SRPK2: variants seen among roughly 807,000 people sequenced by gnomAD.
The protein encoded by SRPK2 is SRSF protein kinase 2.
In SRPK2, 21 loss-of-function variants were observed where a neutral mutation model predicts 90.8. That is an observed-to-expected ratio of 0.23 (90% CI 0.16 to 0.33). SRPK2 has a LOEUF of 0.33. Ranked by LOEUF, SRPK2 falls within the 10% of genes least tolerant of loss-of-function variation. SRPK2 has a pLI of 1.00. For missense variants in SRPK2, 620 were observed against 869.0 expected (o/e 0.71, Z 3.60); for synonymous variants, 288 against 311.1 (o/e 0.93, Z 0.78).
At chr7:105,267,763 C>A (rs923328160) in intron 2 of SRPK2, among the ~76,000 whole-genome samples, 3 of 152,084 alleles carry the variant, frequency 2.0e-5, no homozygotes, top group Admixed American at 2.0e-4. Context: ...GTAGGTTCTT[C>A]AACTCATTTT....
At position 105,353,129 on chromosome 7, in the gene SRPK2, A is replaced by T. The variant is rs139993083; in HGVS notation, c.71+35519T>A. Among the ~76,000 whole-genome samples the T allele has an allele frequency of 1.8e-4, 28 of 152,208 alleles. No individual in the cohort carries two copies. In the East Asian group the frequency reaches 4.6e-3, roughly 25 times the overall value. Reference sequence around the variant, plus strand: ...GGTTAGATTAAGTAATTGCTAAGGAACTCCCAACTCCAAAGTTCCATAAGG... The same window carrying T: ...GGTTAGATTAAGTAATTGCTAAGGATCTCCCAACTCCAAAGTTCCATAAGG... On this transcript the variant is annotated intron_variant, in intron 2 of 15. Coordinates refer to ENST00000393651, the MANE Select transcript of SRPK2 (RefSeq NM_182692.3).
At chr7:105,283,909 G>C (rs1807678376) in intron 2 of SRPK2, among the ~76,000 whole-genome samples, 1 of 151,976 alleles carries the variant, frequency 6.6e-6, no homozygotes, top group South Asian at 2.1e-4. Flanking sequence ...AGTGGAGGCT[G>C]AGCCCAGAAA....
chr7:105,220,116 A>T (rs1420603455), intron 2 of SRPK2, among the ~76,000 whole-genome samples: 1 of 152,254 alleles, frequency 6.6e-6, no homozygotes, highest in Non-Finnish European at 1.5e-5. Context: ...AATGTTTTTA[A>T]AATAAGCAGG....
rs1477186767 is a variant in SRPK2 at position 105,146,587 on chromosome 7, G to A, written c.693C>T (p.Ile231=). Residue 231 remains isoleucine, a synonymous_variant, in exon 8 of 16, where the codon ATC becomes ATT. Coordinates refer to ENST00000393651, the MANE Select transcript of SRPK2 (RefSeq NM_182692.3). Reference sequence around the variant, plus strand: ...CATATGCATCATCCACACACATCAAGATATTTTCCGGCTTTATGTCAGTAT... The same window carrying A: ...CATATGCATCATCCACACACATCAAAATATTTTCCGGCTTTATGTCAGTAT... ...IIHTDIKPEN[I]LMCVDDAYVR... 1 of 1,614,134 alleles carries A rather than the reference G, an allele frequency of 6.2e-7. No individual in the cohort carries two copies. The highest frequency in any genetic ancestry group is 8.5e-7 in the Non-Finnish European group (1 of 1,180,022).
chr7:105,178,023 C>T (rs1172536371), intron 3 of SRPK2, among the ~76,000 whole-genome samples: 5 of 140,312 alleles, frequency 3.6e-5, no homozygotes, highest in South Asian at 2.3e-4. Flanking sequence ...AGCGAGACTC[C>T]GTCTCAAAAA....
intron 2 of SRPK2, among the ~76,000 whole-genome samples, chr7:105,308,295 T>C (rs1019603145): frequency 3.9e-5 from 6 of 152,190 alleles, no homozygotes; most frequent in African/African-American, 1.4e-4. Context: ...TCCCTTCTCT[T>C]ATGCTACCTC....
At chr7:105,270,486 C>T (rs996194620) in intron 2 of SRPK2, among the ~76,000 whole-genome samples, 5 of 151,162 alleles carry the variant, frequency 3.3e-5, no homozygotes, top group African/African-American at 1.2e-4. Context: ...CGGCTCACTG[C>T]AACCTCCGCC....
At chr7:105,339,039 A>C (rs1002048727) in intron 2 of SRPK2, among the ~76,000 whole-genome samples, 116 of 152,324 alleles carry the variant, frequency 7.6e-4, no homozygotes, top group African/African-American at 2.7e-3. Context: ...AACTATTAAA[A>C]CTAATTTTTT....
At chr7:105,387,326 A>T (rs547818634) in intron 2 of SRPK2, among the ~76,000 whole-genome samples, 6 of 152,340 alleles carry the variant, frequency 3.9e-5, no homozygotes, top group Admixed American at 2.0e-4. Flanking sequence ...TGGTTCACCA[A>T]AGGAAATCTC....
At chr7:105,261,132 C>T (rs1383019191) in intron 2 of SRPK2, among the ~76,000 whole-genome samples, 1 of 151,420 alleles carries the variant, frequency 6.6e-6, no homozygotes, top group African/African-American at 2.4e-5. Flanking sequence ...TTTAATGTTG[C>T]CATTTTGGCA....
intron 2 of SRPK2, among the ~76,000 whole-genome samples, chr7:105,218,560 G>A (rs560642398): frequency 2.0e-5 from 3 of 152,288 alleles, no homozygotes; most frequent in African/African-American, 7.2e-5. Flanking sequence ...GGTAAAGAAA[G>A]GCAGATAGAA....
chr7:105,210,109 A>T (rs1167632788), intron 2 of SRPK2, among the ~76,000 whole-genome samples: 1 of 152,252 alleles, frequency 6.6e-6, no homozygotes, highest in African/African-American at 2.4e-5. Context: ...ATTTCCTCTC[A>T]GCTGCTACTG....
In SRPK2 at chr7:105,132,765, G is replaced by A. The variant is rs1203058556; in HGVS notation, c.1752+26C>T. The A allele has an allele frequency of 1.9e-6, 3 of 1,568,596 alleles. No individual in the cohort carries two copies. The South Asian group carries it at 3.4e-5, about 18-fold the overall frequency. On this transcript the variant is annotated intron_variant, in intron 13 of 15. Coordinates refer to ENST00000393651, the MANE Select transcript of SRPK2 (RefSeq NM_182692.3). ...TGAAAGGAACGAGCCAATTCCCATG[G>A]CAGCAAAGGGCACAGCCGTCCTTAC...
In SRPK2 at chr7:105,298,884, C is replaced by T. The variant is rs780623812; in HGVS notation, c.71+89764G>A. 6.0e-5 allele frequency: 41 copies of T among 686,464 alleles called. No homozygotes were observed. The Admixed American group carries it at 1.2e-3, about 20-fold the overall frequency. 42.5% of individuals were successfully genotyped at this position (686,464 alleles called of 1,614,324 possible). On this transcript the variant is annotated intron_variant, in intron 2 of 15. Transcript: ENST00000393651. Reference sequence around the variant, plus strand: ...TTTCCAGGGAGACAATGTAGGCCAACGCCTCATACTCTGTTCAGCTCAGTT... The same window carrying T: ...TTTCCAGGGAGACAATGTAGGCCAATGCCTCATACTCTGTTCAGCTCAGTT...
At chr7:105,224,070 G>A (rs1798422249) in intron 2 of SRPK2, among the ~76,000 whole-genome samples, 1 of 152,016 alleles carries the variant, frequency 6.6e-6, no homozygotes, top group South Asian at 2.1e-4. Context: ...AATTGTTCCA[G>A]CAATTATTTA....
chr7:105,329,612 A>C (rs1177985769), intron 2 of SRPK2, among the ~76,000 whole-genome samples: 1 of 151,758 alleles, frequency 6.6e-6, no homozygotes, highest in Non-Finnish European at 1.5e-5. Flanking sequence ...AAAAAAATAG[A>C]AGGCTAGGAA....
chr7:105,181,570 T>C (rs959794295), intron 3 of SRPK2, among the ~76,000 whole-genome samples: 1 of 152,134 alleles, frequency 6.6e-6, no homozygotes, highest in East Asian at 1.9e-4. Flanking sequence ...TGCAGGAACA[T>C]GGATGGAGCT....
intron 2 of SRPK2, among the ~76,000 whole-genome samples, chr7:105,247,908 G>T (rs11973780): frequency 0.19 from 28,078 of 149,370 alleles, 3,397 homozygotes; most frequent in East Asian, 0.64. Flanking sequence ...TTCACTCTTG[G>T]TGCCCAGGCT....
chr7:105,173,194 C>T lies in SRPK2; in HGVS notation c.230-3929G>A, dbSNP rs75043032. Among the ~76,000 whole-genome samples the T allele has an allele frequency of 3.8e-3, 579 of 152,190 alleles. 3 individuals carry two copies. Among genetic ancestry groups the T allele is most frequent in the African/African-American group, 0.013 (545 of 41,526 alleles). ...AGTAGAGCAGCACGAACAGGGCTTA[C>T]TACATCCTTGAACTCCTGGGTTCAA... On this transcript the variant is annotated intron_variant, in intron 3 of 15. Coordinates refer to ENST00000393651, the MANE Select transcript of SRPK2 (RefSeq NM_182692.3).
Sources: allele counts gnomAD v4.1 joint callset (sites outside exome capture counted in the v4.1 genomes callset), GRCh38; gene constraint gnomAD v4.1.1; transcripts MANE v1.5; gene names NCBI Gene and HGNC (gene_info 2026-07-23, HGNC 2026-07-21).